The following ZNF33B variants were observed in gnomAD, a reference collection of about 807,000 sequenced individuals.
ZNF33B encodes the protein zinc finger protein 33B.
Under a neutral mutation model 45.8 loss-of-function variants are expected in ZNF33B, and 29 were observed. That is an observed-to-expected ratio of 0.63 (90% CI 0.47 to 0.86). ZNF33B has a LOEUF of 0.86. Among genes scored for constraint, ZNF33B ranks in the 40% least tolerant of loss-of-function variants. ZNF33B has a pLI of 0.00. For synonymous variants in ZNF33B, 305 were observed against 307.8 expected (o/e 0.99, Z 0.10); for missense variants, 831 against 909.9 (o/e 0.91, Z 1.12).
chr10:42,574,383 G>A (rs934216755), exon 2 of ZNF33B: 1 of 152,068 alleles, frequency 6.6e-6, no homozygotes, highest in African/African-American at 2.4e-5. Flanking sequence ...GATTTTGGGG[G>A]TTGTTTTCAA....
chr10:42,585,843 A>C (rs1363208285), downstream of ZNF33B, among the ~76,000 whole-genome samples: 3 of 152,220 alleles, frequency 2.0e-5, no homozygotes, highest in Admixed American at 2.0e-4. Flanking sequence ...AGTGGTACCC[A>C]TGGATTACCA....
At chr10:42,628,358 T>C (rs1209656366) in intron 4 of ZNF33B, among the ~76,000 whole-genome samples, 1 of 152,306 alleles carries the variant, frequency 6.6e-6, no homozygotes, top group Non-Finnish European at 1.5e-5. Context: ...TCCTGTTGGC[T>C]GATGTTGCTG....
chr10:42,582,224 T>C (rs1836841524), intron 1 of ZNF33B: 1 of 152,222 alleles, frequency 6.6e-6, no homozygotes, highest in Admixed American at 6.5e-5. Flanking sequence ...GGTTTTTGGC[T>C]CATAGGAGTC....
downstream of ZNF33B, among the ~76,000 whole-genome samples, chr10:42,586,150 A>ATTT (rs67457246): frequency 0.081 from 9,856 of 121,346 alleles, 736 homozygotes; most frequent in African/African-American, 0.16. Flanking sequence ...TTTTCCTCAG[A>ATTT]TTTTTTTTTT....
At chr10:42,601,468 G>GTTTTTTTTTTTTTTTTTTTTTTT (rs57196690) in intron 4 of ZNF33B, among the ~76,000 whole-genome samples, 2 of 79,444 alleles carry the variant, frequency 2.5e-5, no homozygotes, top group Non-Finnish European at 2.3e-5. Context: ...ACATGGGCTT[G>GTTTTTTTTTTTTTTTTTTTTTTT]TTTTTTTTTT....
chr10:42,624,404 T>C (rs1838713295), intron 4 of ZNF33B, among the ~76,000 whole-genome samples: 1 of 152,204 alleles, frequency 6.6e-6, no homozygotes, highest in South Asian at 2.1e-4. Context: ...GTCCTCTTGA[T>C]TATTATAGCT....
At chr10:42,622,174 A>C (rs544209092) in intron 4 of ZNF33B, among the ~76,000 whole-genome samples, 1 of 152,330 alleles carries the variant, frequency 6.6e-6, no homozygotes, top group African/African-American at 2.4e-5. Context: ...AATACTGATG[A>C]AAAATATTAA....
chr10:42,577,011 TAGTCCTAGCTACTCAGGAGGC>T (rs1465578337), intron 1 of ZNF33B, among the ~76,000 whole-genome samples: 1 of 151,490 alleles, frequency 6.6e-6, no homozygotes, highest in Non-Finnish European at 1.5e-5. Flanking sequence ...CAGGCGCCTG[TAGTCCTAGCTACTCAGGAGGC>T]TGAGACAGGA....
In ZNF33B at chr10:42,593,012, G is replaced by A; in HGVS notation, c.1938C>T (p.Phe646=). The A allele has an allele frequency of 6.2e-7, 1 of 1,614,072 alleles. No homozygotes were observed. Among genetic ancestry groups the A allele is most frequent in the Non-Finnish European group, 8.5e-7 (1 of 1,179,988 alleles). Residue 646 remains phenylalanine (F), a synonymous_variant, in exon 5 of 5, where the codon TTC becomes TTT. Coordinates refer to ENST00000359467, the MANE Select transcript of ZNF33B (RefSeq NM_006955.3). ...GTACAATTAGAGCTGACTTATGGCAGAAAGCTTTTCCACACTCATTACATT... is the reference window on the plus strand; with the variant it reads ...GTACAATTAGAGCTGACTTATGGCAAAAAGCTTTTCCACACTCATTACATT... ...PYECNECGKA[F]CHKSALIVHQ... is the part of the protein sequence containing the mutation.
rs1837219123 is a variant in ZNF33B at position 42,593,150 on chromosome 10, A to G, written c.1800T>C (p.Asn600=). The G allele has an allele frequency of 6.2e-7, 1 of 1,606,254 alleles. No homozygotes were observed. The change falls in exon 5 of 5, where the codon AAT becomes AAC. Residue 600 remains asparagine, a synonymous_variant. Transcript: ENST00000359467. ...AGGGTTTCTCCCCTGTATGTGTTCT[A>G]TTATGTTTTGTTAGGTATGATTTAT... ...FYNKSYLTKH[N]RTHTGEKPYE...
intron 4 of ZNF33B, among the ~76,000 whole-genome samples, chr10:42,599,818 G>A (rs1837548020): frequency 6.6e-6 from 1 of 151,988 alleles, no homozygotes; most frequent in Admixed American, 6.6e-5. Flanking sequence ...TGAAATCAAT[G>A]AGTATTGTAT....
At chr10:42,632,170 T>C in intron 3 of ZNF33B, 125 bp downstream of exon 3, 1 of 1,496,102 alleles carries the variant, frequency 6.7e-7, no homozygotes. Context: ...TGGTGCTCAA[T>C]CAACACTGAC....
At chr10:42,622,734 T>C (rs1174266094) in intron 4 of ZNF33B, among the ~76,000 whole-genome samples, 3 of 152,186 alleles carry the variant, frequency 2.0e-5, no homozygotes, top group Admixed American at 2.0e-4. Flanking sequence ...TGATAGAGTT[T>C]CTGTTTGAAA....
chr10:42,603,398 A>C (rs374218122), intron 4 of ZNF33B, among the ~76,000 whole-genome samples: 2 of 152,190 alleles, frequency 1.3e-5, no homozygotes, highest in East Asian at 3.9e-4. Context: ...GTTCTATGAC[A>C]GCAACAAGCT....
chr10:42,612,233 A>ATTTT (rs59259404), intron 4 of ZNF33B, among the ~76,000 whole-genome samples: 4,266 of 119,190 alleles, frequency 0.036, 313 homozygotes, highest in African/African-American at 0.13. Context: ...ACAGAAGTTG[A>ATTTT]TTTTTTTTTT....
intron 4 of ZNF33B, among the ~76,000 whole-genome samples, chr10:42,608,704 T>C (rs760850678): frequency 6.7e-4 from 102 of 152,122 alleles, no homozygotes; most frequent in Middle Eastern, 6.8e-3. Context: ...ATCAATAAAC[T>C]AATTTTCCAC....
At chr10:42,588,196 C>A (rs1416988595), downstream of ZNF33B, among the ~76,000 whole-genome samples, 1 of 152,162 alleles carries the variant, frequency 6.6e-6, no homozygotes, top group Non-Finnish European at 1.5e-5. Context: ...GACCACCTGC[C>A]AAACAGGCTG....
At chr10:42,616,854 C>T (rs978752900) in intron 4 of ZNF33B, among the ~76,000 whole-genome samples, 2 of 151,956 alleles carry the variant, frequency 1.3e-5, no homozygotes, top group Non-Finnish European at 2.9e-5. Flanking sequence ...CACCATCATG[C>T]CCGGCTAATT....
rs1374022966 is a variant in ZNF33B, at chr10:42,638,482, C to G, written c.-53G>C. 6.6e-6 allele frequency: 3 copies of G among 455,768 alleles called. No individual in the cohort carries two copies. The highest frequency in any genetic ancestry group is 2.0e-5 in the African/African-American group (1 of 49,794). The allele number at this position is 455,768 out of a possible 1,614,324, so 28.2% of individuals were successfully genotyped here. ...AACCCGCGGAGGCTTACCTCACTCT[C>G]TCTTCGGGTTGCATTCGCCATAAGA... On this transcript the variant is annotated 5_prime_UTR_variant, in exon 1 of 5. Transcript: ENST00000359467.
Sources: allele counts gnomAD v4.1 joint callset (sites outside exome capture counted in the v4.1 genomes callset), GRCh38; gene constraint gnomAD v4.1.1; transcripts MANE v1.5; gene names NCBI Gene and HGNC (gene_info 2026-07-23, HGNC 2026-07-21).